COPG2: variants seen among roughly 807,000 people sequenced by gnomAD.
COPG2 encodes coat protein complex I subunit gamma 2, also known as coatomer subunit gamma-2.
In COPG2, 37 loss-of-function variants were observed where a neutral mutation model predicts 46.3. The ratio of observed to expected loss-of-function variants is 0.80; its 90% CI spans 0.61 to 1.05. The LOEUF (loss-of-function observed/expected upper bound fraction) is 1.05. COPG2 is among the 50% of genes least tolerant of loss of function. COPG2 has a pLI of 0.00. For missense variants in COPG2, 427 were observed against 387.8 expected (o/e 1.10, Z -0.85); for synonymous variants, 159 against 129.7 (o/e 1.23, Z -1.53).
chr7:130,593,479 G>A (rs568725026), intron 9 of COPG2, among the ~76,000 whole-genome samples: 2 of 152,264 alleles, frequency 1.3e-5, no homozygotes, highest in South Asian at 2.1e-4. Flanking sequence ...TACTCTTACA[G>A]AAAAGTAAGG....
chr7:130,620,689 T>C (rs534386845), intron 5 of COPG2, among the ~76,000 whole-genome samples: 4 of 152,334 alleles, frequency 2.6e-5, no homozygotes, highest in East Asian at 3.9e-4. Context: ...GGATGAATCA[T>C]ACCCAGAAAC....
chr7:130,583,060 C>T (rs2116443425), intron 9 of COPG2, among the ~76,000 whole-genome samples: 1 of 150,942 alleles, frequency 6.6e-6, no homozygotes, highest in East Asian at 1.9e-4. Flanking sequence ...ATGTTTATTG[C>T]AGCATTATTC....
chr7:130,557,519 A>G (rs1438531537), intron 12 of COPG2, among the ~76,000 whole-genome samples: 2 of 152,130 alleles, frequency 1.3e-5, no homozygotes, highest in African/African-American at 4.8e-5. Context: ...AGAAAAATAA[A>G]CATGTGGCTG....
chr7:130,639,315 G>C (rs1795415868), intron 5 of COPG2, among the ~76,000 whole-genome samples: 1 of 152,160 alleles, frequency 6.6e-6, no homozygotes, highest in African/African-American at 2.4e-5. Flanking sequence ...TTGATTTCAA[G>C]AGTGTCTGCC....
intron 22 of COPG2, 28 bp downstream of exon 22, chr7:130,507,657 A>T: frequency 2.6e-6 from 2 of 778,780 alleles, no homozygotes; most frequent in Non-Finnish European, 4.8e-6. Flanking sequence ...GTTATCAGGC[A>T]ATATACTGAT....
Position 130,548,541 on chromosome 7 carries a change from T to C in COPG2, c.1839A>G (p.Glu613=), listed in dbSNP as rs1017451153. 34 of 398,474 alleles carry C rather than the reference T, an allele frequency of 8.5e-5. No individual in the cohort carries two copies. The highest frequency in any genetic ancestry group is 1.5e-4 in the Non-Finnish European group (33 of 226,068). The allele number at this position is 398,474 out of a possible 1,614,324, so 24.7% of individuals were successfully genotyped here. The change falls in exon 19 of 24, where the codon GAA becomes GAG. Residue 613 remains glutamate (E), a splice_region_variant and synonymous_variant. Coordinates refer to ENST00000425248, the MANE Select transcript of COPG2 (RefSeq NM_012133.6). ...GAAACTCAGGAATGGCAGCCAATTG[T>C]TCTATCAAGAAAAAAGAACGTAGGC... ...LAPSRQDIFQ[E]QLAAIPEFLN... is the part of the protein sequence containing the mutation.
At chr7:130,552,795 C>T (rs2116389374) in intron 14 of COPG2, among the ~76,000 whole-genome samples, 1 of 152,308 alleles carries the variant, frequency 6.6e-6, no homozygotes, top group East Asian at 1.9e-4. Flanking sequence ...AAATTCCTCT[C>T]ATTCAACAAA....
At chr7:130,592,341 T>C (rs575053829) in intron 9 of COPG2, among the ~76,000 whole-genome samples, 1 of 148,712 alleles carries the variant, frequency 6.7e-6, no homozygotes, top group Non-Finnish European at 1.5e-5. Flanking sequence ...TTCCCTCCAC[T>C]ATTGTCCTAT....
chr7:130,515,581 C>T (rs1799672013), intron 20 of COPG2, among the ~76,000 whole-genome samples: 1 of 152,120 alleles, frequency 6.6e-6, no homozygotes, highest in East Asian at 1.9e-4. Flanking sequence ...AGTTGGAGAA[C>T]CACTGCTTTA....
At chr7:130,654,465 A>G (rs1032762469) in intron 4 of COPG2, among the ~76,000 whole-genome samples, 1 of 152,230 alleles carries the variant, frequency 6.6e-6, no homozygotes, top group African/African-American at 2.4e-5. Context: ...AGAGTTTTTA[A>G]AAAGTGCTAA....
At chr7:130,647,010 TG>T (rs1795622506) in intron 5 of COPG2, among the ~76,000 whole-genome samples, 30 of 137,144 alleles carry the variant, frequency 2.2e-4, no homozygotes, top group East Asian at 1.6e-3. Flanking sequence ...TATATATATA[TG>T]TATATATATA....
chr7:130,547,562 C>A, intron 20 of COPG2, 112 bp downstream of exon 20: 1 of 397,652 alleles, frequency 2.5e-6, no homozygotes, highest in Non-Finnish European at 4.4e-6. Flanking sequence ...AAACACTCAT[C>A]ATTAAATTCT....
At chr7:130,534,585 G>C (rs1799860862) in intron 20 of COPG2, among the ~76,000 whole-genome samples, 1 of 152,170 alleles carries the variant, frequency 6.6e-6, no homozygotes. Context: ...TGGGGATGCA[G>C]CAATACAGAG....
chr7:130,613,094 G>T (rs1327631028), intron 7 of COPG2, among the ~76,000 whole-genome samples: 1 of 152,160 alleles, frequency 6.6e-6, no homozygotes, highest in Admixed American at 6.5e-5. Context: ...ACCAGGGATT[G>T]GTTTTATGGA....
chr7:130,524,382 G>T (rs1351141959), intron 20 of COPG2, among the ~76,000 whole-genome samples: 1 of 152,188 alleles, frequency 6.6e-6, no homozygotes, highest in Non-Finnish European at 1.5e-5. Flanking sequence ...ACCGTGCTAT[G>T]CAGTAGAGGA....
intron 5 of COPG2, among the ~76,000 whole-genome samples, chr7:130,631,716 T>C (rs1048979864): frequency 7.9e-5 from 11 of 140,100 alleles, no homozygotes; most frequent in Admixed American, 3.0e-4. Context: ...GATTTTATTT[T>C]ACATATGTTA....
Position 130,659,078 on chromosome 7 carries a change from G to A in COPG2, c.243+3889C>T, listed in dbSNP as rs185217170. Among the ~76,000 whole-genome samples the A allele has an allele frequency of 1.1e-3, 173 of 152,144 alleles. 1 individual carries two copies. The Middle Eastern group carries it at 0.014, about 12-fold the overall frequency. ...AAGTACATGAAAATATGCTTAGGCCGGGCGCGGTAGCTTACGCCTGCAATC... is the reference window on the plus strand; with the variant it reads ...AAGTACATGAAAATATGCTTAGGCCAGGCGCGGTAGCTTACGCCTGCAATC... On this transcript the variant is annotated intron_variant, in intron 4 of 23. Coordinates refer to ENST00000425248, the MANE Select transcript of COPG2 (RefSeq NM_012133.6).
At chr7:130,594,376 G>C (rs1369896007) in intron 9 of COPG2, among the ~76,000 whole-genome samples, 5 of 152,118 alleles carry the variant, frequency 3.3e-5, no homozygotes, top group Non-Finnish European at 7.4e-5. Context: ...ATGGATCAAA[G>C]ACCCAAATGT....
chr7:130,560,464 T>C (rs1341762411), intron 12 of COPG2, among the ~76,000 whole-genome samples: 4 of 152,114 alleles, frequency 2.6e-5, no homozygotes, highest in Non-Finnish European at 5.9e-5. Context: ...AGCAGGCTTG[T>C]TTAGTAGAAA....
Sources: allele counts gnomAD v4.1 joint callset (sites outside exome capture counted in the v4.1 genomes callset), GRCh38; gene constraint gnomAD v4.1.1; transcripts MANE v1.5; gene names NCBI Gene and HGNC (gene_info 2026-07-23, HGNC 2026-07-21).